Variants in C12orf54 observed in about 807,000 individuals in gnomAD.
C12orf54 encodes uncharacterized protein C12orf54.
A neutral mutation model predicts 26.4 loss-of-function variants in C12orf54; 24 were observed. The observed-to-expected ratio is 0.91, with a 90% CI of 0.66 to 1.28. The LOEUF is 1.28. Among genes scored for constraint, C12orf54 ranks in the 50% most tolerant of loss-of-function variants. C12orf54 has a pLI of 0.00. For missense variants in C12orf54, 154 were observed against 150.9 expected, an observed-to-expected ratio of 1.02 and a Z score of -0.11; for synonymous variants, 54 against 47.0, an observed-to-expected ratio of 1.15 and a Z score of -0.61.
chr12:48,436,518 T>C, the C12orf54 span, among the ~76,000 whole-genome samples: 23,665 of 152,028 alleles, frequency 0.16, 2,204 homozygotes, highest in Non-Finnish European at 0.22. Context: ...AGTAAAGCAC[T>C]CCTCAGCAAA....
At chr12:48,428,366 A>G in the C12orf54 span, among the ~76,000 whole-genome samples, 3 of 152,072 alleles carry the variant, frequency 2.0e-5, no homozygotes, top group African/African-American at 7.2e-5. Context: ...TACAAAAGAT[A>G]AATGAAACAA....
intron 6 of C12orf54, among the ~76,000 whole-genome samples, chr12:48,492,637 T>C (rs1253264204): frequency 6.6e-6 from 1 of 152,192 alleles, no homozygotes; most frequent in Non-Finnish European, 1.5e-5. Context: ...ATAATGGAGA[T>C]AAGAAGTGAA....
chr12:48,450,285 T>C, the C12orf54 span, among the ~76,000 whole-genome samples: 1 of 152,122 alleles, frequency 6.6e-6, no homozygotes, highest in African/African-American at 2.4e-5. Flanking sequence ...TTGAAATTAG[T>C]GAGCACAAAA....
the C12orf54 span, among the ~76,000 whole-genome samples, chr12:48,430,690 A>G: frequency 1.3e-5 from 2 of 152,190 alleles, no homozygotes; most frequent in African/African-American, 4.8e-5. Flanking sequence ...ACACTTCTAC[A>G]CTGCTGGCGG....
intron 4 of C12orf54, chr12:48,488,104 C>A: frequency 3.5e-6 from 3 of 846,190 alleles, no homozygotes; most frequent in Non-Finnish European, 6.3e-6. Flanking sequence ...TCTCTCAAGT[C>A]CCAAGGCTGC....
the C12orf54 span, among the ~76,000 whole-genome samples, chr12:48,460,669 AT>A: frequency 6.6e-6 from 1 of 152,156 alleles, no homozygotes; most frequent in East Asian, 1.9e-4. Flanking sequence ...GTTGGGATAA[AT>A]GGAAGCATAT....
At chr12:48,418,047 C>T in the C12orf54 span, among the ~76,000 whole-genome samples, 2 of 152,122 alleles carry the variant, frequency 1.3e-5, no homozygotes, top group South Asian at 4.1e-4. Flanking sequence ...AGAAAACAGA[C>T]CATAGCATTT....
chr12:48,446,767 G>T, the C12orf54 span, among the ~76,000 whole-genome samples: 1 of 151,850 alleles, frequency 6.6e-6, no homozygotes, highest in African/African-American at 2.4e-5. Flanking sequence ...TTATTATTAG[G>T]CAATCAATAA....
the C12orf54 span, among the ~76,000 whole-genome samples, chr12:48,435,564 C>G: frequency 1.3e-5 from 2 of 152,178 alleles, no homozygotes; most frequent in Admixed American, 1.3e-4. Context: ...GCTGATCTCT[C>G]GGCAGAAACT....
At chr12:48,444,479 G>A in the C12orf54 span, among the ~76,000 whole-genome samples, 155 of 152,280 alleles carry the variant, frequency 1.0e-3, 2 homozygotes, top group East Asian at 0.026. Flanking sequence ...TAGAAATGAA[G>A]GTCAAAGAGT....
the C12orf54 span, among the ~76,000 whole-genome samples, chr12:48,443,623 T>C: frequency 1.1e-4 from 17 of 152,308 alleles, no homozygotes; most frequent in African/African-American, 3.4e-4. Context: ...ACTCCAGTCA[T>C]AATCTCCATG....
the C12orf54 span, among the ~76,000 whole-genome samples, chr12:48,435,923 G>A: frequency 6.6e-6 from 1 of 152,156 alleles, no homozygotes; most frequent in Non-Finnish European, 1.5e-5. Flanking sequence ...AATGTTAAAT[G>A]TAAATGGGCT....
intron 3 of C12orf54, 97 bp downstream of exon 3, chr12:48,486,305 AG>A: frequency 8.0e-7 from 1 of 1,250,274 alleles, no homozygotes; most frequent in Non-Finnish European, 1.2e-6. Flanking sequence ...CAAAAAAAAA[AG>A]CTACCTGACA....
the C12orf54 span, chr12:48,442,728 C>T: frequency 1.9e-5 from 3 of 161,454 alleles, no homozygotes; most frequent in East Asian, 3.7e-4. Context: ...GGTGCAGTGA[C>T]AGAGGAATGG....
chr12:48,420,103 C>G, the C12orf54 span, among the ~76,000 whole-genome samples: 1 of 151,540 alleles, frequency 6.6e-6, no homozygotes, highest in African/African-American at 2.4e-5. Context: ...ACTACTTTCT[C>G]TTATCGTTCT....
the C12orf54 span, among the ~76,000 whole-genome samples, chr12:48,471,860 T>A: frequency 2.6e-5 from 4 of 152,182 alleles, no homozygotes; most frequent in Admixed American, 6.5e-5. Flanking sequence ...TCAGAGTAGT[T>A]TTTTTCTAAT....
chr12:48,449,833 C>A, the C12orf54 span, among the ~76,000 whole-genome samples: 3 of 149,538 alleles, frequency 2.0e-5, no homozygotes, highest in South Asian at 6.2e-4. Flanking sequence ...TGTCCCCACC[C>A]AAATCTCAAC....
chr12:48,461,028 C>T, the C12orf54 span, among the ~76,000 whole-genome samples: 2 of 151,822 alleles, frequency 1.3e-5, no homozygotes, highest in Non-Finnish European at 2.9e-5. Context: ...ATAAGAAACC[C>T]ACTTTAAATA....
At chr12:48,483,420 G>A in intron 2 of C12orf54, 59 bp downstream of exon 2, 1 of 1,523,604 alleles carries the variant, frequency 6.6e-7, no homozygotes, top group Non-Finnish European at 9.1e-7. Flanking sequence ...TATGGGAGAA[G>A]AACCAGGGCC....
Sources: allele counts gnomAD v4.1 joint callset (sites outside exome capture counted in the v4.1 genomes callset), GRCh38; gene constraint gnomAD v4.1.1; transcripts MANE v1.5; gene names NCBI Gene and HGNC (gene_info 2026-07-23, HGNC 2026-07-21).